The following MRPL38 variants were observed in gnomAD, a reference collection of about 807,000 sequenced individuals.
The protein encoded by MRPL38 is mitochondrial ribosomal protein L38.
In MRPL38, 51 loss-of-function variants were observed where a neutral mutation model predicts 52.1. The observed-to-expected ratio is 0.98, with a 90% CI of 0.78 to 1.24. The LOEUF (loss-of-function observed/expected upper bound fraction) is 1.24, where lower values mean the gene tolerates loss of function less well. Among genes scored for constraint, MRPL38 ranks in the 50% most tolerant of loss-of-function variants. The pLI, the probability that MRPL38 is intolerant of heterozygous loss-of-function variation, is 0.00. For missense variants in MRPL38, 527 were observed against 518.6 expected (o/e 1.02, Z -0.16); for synonymous variants, 245 against 212.7 (o/e 1.15, Z -1.32).
At position 75,901,134 on chromosome 17, in the gene MRPL38, G is replaced by GC; in HGVS notation, c.664+66dup. On this transcript the variant is annotated intron_variant, in intron 5 of 8. Transcript: ENST00000309352. This position sits in a 1 kb window ranked among gnomAD's most constrained non-coding sequence, Gnocchi z 5.7. ...AGATCTCCACCTGGCCCCTCCCCCAGCCCCCCAGGGCCCTGGCTCATAGGA... is the reference window on the plus strand; with the variant it reads ...AGATCTCCACCTGGCCCCTCCCCCAGCCCCCCCAGGGCCCTGGCTCATAGGA... The GC allele has an allele frequency of 6.2e-7, 1 of 1,601,064 alleles. No homozygotes were observed. Among genetic ancestry groups the GC allele is most frequent in the Non-Finnish European group, 8.5e-7 (1 of 1,174,438 alleles).
chr17:75,901,714 C>T lies in MRPL38; in HGVS notation c.589G>A (p.Glu197Lys), dbSNP rs1034815011. 10 of 1,613,662 alleles carry T rather than the reference C, an allele frequency of 6.2e-6. No individual in the cohort carries two copies. The highest frequency in any genetic ancestry group is 2.7e-5 in the African/African-American group (2 of 75,008). The change falls in exon 4 of 9, where the codon GAG becomes AAG. Residue 197 changes from glutamate to lysine, a missense_variant and splice_region_variant. By Grantham distance (56) the Glu-to-Lys change is moderately conservative. Coordinates refer to ENST00000309352, the MANE Select transcript of MRPL38 (RefSeq NM_032478.4). The surrounding 1 kb of genome is among the most constrained non-coding windows in gnomAD (Gnocchi z 5.7). ...VYCGNEVTPT[E>K]AAQAPEVTYE... is the part of the protein sequence containing the mutation. ...GAGGGGCACAAGTGAGTGGTTACCT[C>T]GGTTGGAGTCACCTCATTGCCACAG...
Position 75,901,173 on chromosome 17 carries a change from G to A in MRPL38, c.664+28C>T. 8 of 1,612,292 alleles carry A rather than the reference G, an allele frequency of 5.0e-6. No individual in the cohort carries two copies. Among genetic ancestry groups the A allele is most frequent in the Non-Finnish European group, 6.8e-6 (8 of 1,179,280 alleles). Reference sequence around the variant, plus strand: ...TGGCTCATAGGAGGTGAGCGGGGCAGGAGGCCTGGTGAGCCCCAGACACCC... The same window carrying A: ...TGGCTCATAGGAGGTGAGCGGGGCAAGAGGCCTGGTGAGCCCCAGACACCC... On this transcript the variant is annotated intron_variant, in intron 5 of 8. Coordinates refer to ENST00000309352, the MANE Select transcript of MRPL38 (RefSeq NM_032478.4). The surrounding 1 kb of genome is among the most constrained non-coding windows in gnomAD (Gnocchi z 5.7).
Position 75,899,691 on chromosome 17 carries a change from C to A in MRPL38, c.711-17G>T, listed in dbSNP as rs372172749. 4.5e-6 allele frequency: 7 copies of A among 1,543,624 alleles called. No individual in the cohort carries two copies. In the African/African-American group the frequency reaches 6.8e-5, roughly 15 times the overall value. On this transcript the variant is annotated splice_polypyrimidine_tract_variant and intron_variant, in intron 6 of 8. Coordinates refer to ENST00000309352, the MANE Select transcript of MRPL38 (RefSeq NM_032478.4). ...ATGTTGGTTCTGGGAGGAGGAAAGT[C>A]CCGGTTAATTACCACTCCAGGGAGG...
rs1328664789 is a variant in MRPL38 at position 75,904,385 on chromosome 17, T to C, written c.247+155A>G. ...GTGAAAAATCCTGGGGTGATTAAGCTGCCGATAGCGCACACAGGTCTGCAG... is the reference window on the plus strand; with the variant it reads ...GTGAAAAATCCTGGGGTGATTAAGCCGCCGATAGCGCACACAGGTCTGCAG... On this transcript the variant is annotated intron_variant, in intron 2 of 8. Transcript: ENST00000309352. 8.4e-6 allele frequency: 7 copies of C among 828,812 alleles called. No individual in the cohort carries two copies. In the East Asian group the frequency reaches 1.9e-4, roughly 22 times the overall value. 51.3% of individuals were successfully genotyped at this position (828,812 alleles called of 1,614,324 possible). A position where few individuals can be genotyped will look rare whatever the true frequency, so the allele number is the denominator to read the frequency against.
At chr17:75,900,956 C>CG in intron 6 of MRPL38, 26 bp downstream of exon 6, 1 of 1,609,446 alleles carries the variant, frequency 6.2e-7, no homozygotes, top group African/African-American at 1.3e-5. Flanking sequence ...GGCAGCACCC[C>CG]CTACCCCCAG....
chr17:75,900,820 C>T, intron 6 of MRPL38, 162 bp downstream of exon 6: 1 of 1,432,936 alleles, frequency 7.0e-7, no homozygotes, highest in Non-Finnish European at 9.1e-7. Context: ...TTCAAGTAGA[C>T]ACGTGGATCC....
At chr17:75,903,093 ACT>A (rs565319991) in intron 2 of MRPL38, among the ~76,000 whole-genome samples, 11 of 152,156 alleles carry the variant, frequency 7.2e-5, no homozygotes, top group Non-Finnish European at 1.3e-4. Context: ...AGAGTGAATG[ACT>A]GATGCTAGAA....
Position 75,904,842 on chromosome 17 carries a change from C to T in MRPL38, c.34G>A (p.Glu12Lys), listed in dbSNP as rs1445450558. Reference protein sequence around the residue: ...AAPWWRAALCECRRWRGFSTS... With the variant: ...AAPWWRAALCKCRRWRGFSTS... ...CTGAAGCCCCGCCATCTCCGACACT[C>T]GCACAGCGCGGCTCGCCACCAGGGC... Residue 12 changes from glutamate (E) to lysine (K), a missense_variant, in exon 1 of 9, where the codon GAG becomes AAG. Physicochemically the swap from Glu to Lys is moderately conservative, Grantham distance 56. Transcript: ENST00000309352. The T allele has an allele frequency of 5.9e-6, 9 of 1,527,788 alleles. No homozygotes were observed. Among genetic ancestry groups the T allele is most frequent in the Non-Finnish European group, 7.0e-6 (8 of 1,144,180 alleles). The allele number at this position is 1,527,788 out of a possible 1,614,324, so 94.6% of individuals were successfully genotyped here. A position where few individuals can be genotyped will look rare whatever the true frequency, so the allele number is the denominator to read the frequency against.
At chr17:75,903,658 T>TAAAGAAAAGA (rs60931911) in intron 2 of MRPL38, among the ~76,000 whole-genome samples, 2 of 151,572 alleles carry the variant, frequency 1.3e-5, no homozygotes, top group African/African-American at 4.8e-5. Flanking sequence ...CTATAAATGC[T>TAAAGAAAAGA]AAAGAAAAGA....
intron 1 of MRPL38, 43 bp from the exon 2 acceptor site, chr17:75,904,762 G>T: frequency 7.0e-7 from 1 of 1,427,972 alleles, no homozygotes; most frequent in Non-Finnish European, 9.1e-7. Context: ...CCCACAGCTC[G>T]GGCGACAGCC....
chr17:75,900,853 AGGCAGAGGT>A, intron 6 of MRPL38, 120 bp downstream of exon 6: 1 of 1,451,776 alleles, frequency 6.9e-7, no homozygotes, highest in Non-Finnish European at 9.1e-7. Flanking sequence ...CACCCTCAGG[AGGCAGAGGT>A]GGCAGGTGAA....
At chr17:75,902,250 T>G (rs1296872176) in intron 2 of MRPL38, 96 bp from the exon 3 acceptor site, 3 of 1,332,692 alleles carry the variant, frequency 2.3e-6, no homozygotes, top group Non-Finnish European at 3.1e-6. Context: ...GCTACAAGTG[T>G]ACACCATCTC....
At chr17:75,904,429 C>T in intron 2 of MRPL38, 111 bp downstream of exon 2, 1 of 1,201,184 alleles carries the variant, frequency 8.3e-7, no homozygotes, top group Non-Finnish European at 1.2e-6. Context: ...TCCCAGCGTC[C>T]CCAGCATCCA....
Position 75,901,933 on chromosome 17 carries a change from A to G in MRPL38, c.383-13T>C. 1.3e-6 allele frequency: 2 copies of G among 1,580,650 alleles called. No homozygotes were observed. Among genetic ancestry groups the G allele is most frequent in the Non-Finnish European group, 1.7e-6 (2 of 1,157,216 alleles). The stretch of plus-strand genomic sequence containing the variant: ...AGCGGGACACTGGCTAGACAGGAAT[A>G]AGGCCAGTTGGGATACGGGGGTGGG... On this transcript the variant is annotated splice_polypyrimidine_tract_variant and intron_variant, in intron 3 of 8. Transcript: ENST00000309352. This position sits in a 1 kb window ranked among gnomAD's most constrained non-coding sequence, Gnocchi z 5.7.
At chr17:75,900,782 A>G (rs377648223) in intron 6 of MRPL38, 200 bp downstream of exon 6, 1 of 1,404,676 alleles carries the variant, frequency 7.1e-7, no homozygotes. Context: ...ACCGAGGCCT[A>G]CTGCAAACTT....
In MRPL38 at chr17:75,901,755, TC is replaced by T; in HGVS notation, c.547del (p.Asp183ThrfsTer2). 1 of 1,613,754 alleles carries T rather than the reference TC, an allele frequency of 6.2e-7. No homozygotes were observed. Among genetic ancestry groups the T allele is most frequent in the Non-Finnish European group, 8.5e-7 (1 of 1,179,862 alleles). On this transcript the variant is annotated frameshift_variant, in exon 4 of 9. Transcript: ENST00000309352. LOFTEE classifies it high-confidence loss of function. This position sits in a 1 kb window ranked among gnomAD's most constrained non-coding sequence, Gnocchi z 5.7. The stretch of plus-strand genomic sequence containing the variant: ...ATTGCCACAGTACACAGGCATCAGG[TC>T]ATCCTCACCCACAGCGTAGGCCACG... ...LHVAYAVGED[D>X]LMPVYCGNEV... is the part of the protein sequence containing the mutation.
In MRPL38 at chr17:75,898,916, G is replaced by T. The variant is rs1188929292; in HGVS notation, c.1077C>A (p.His359Gln). Reference protein sequence around the residue: ...PYHPKQKRFPHRQPLRYLDRY... With the variant: ...PYHPKQKRFPQRQPLRYLDRY... ...GGTCCAGGTAGCGCAGGGGCTGCCG[G>T]TGGGGGAAGCGCTTCTGCTTGGGGT... The change falls in exon 9 of 9, where the codon CAC becomes CAA. Residue 359 changes from histidine to glutamine, a missense_variant. By Grantham distance (24) the His-to-Gln change is conservative. Transcript: ENST00000309352. The T allele has an allele frequency of 6.2e-7, 1 of 1,611,156 alleles. No homozygotes were observed.
At position 75,904,884 on chromosome 17, in the gene MRPL38, C is replaced by T. The variant is rs1244722357; in HGVS notation, c.-9G>A. 6.6e-7 allele frequency: 1 copy of T among 1,524,460 alleles called. No individual in the cohort carries two copies. The highest frequency in any genetic ancestry group is 2.5e-5 in the East Asian group (1 of 39,252). 94.4% of individuals were successfully genotyped at this position (1,524,460 alleles called of 1,614,324 possible). On this transcript the variant is annotated 5_prime_UTR_variant, in exon 1 of 9. Transcript: ENST00000309352. ...CACCAGGGCGCCGCCATCTTCCCTC[C>T]GGCCTGCGACACTGCGGCCGCCACT...
chr17:75,900,903 C>A, intron 6 of MRPL38, 79 bp downstream of exon 6: 1 of 1,535,198 alleles, frequency 6.5e-7, no homozygotes, highest in Non-Finnish European at 8.7e-7. Context: ...CCATGAAACT[C>A]AGGAGCAGCT....
Sources: gnomAD v4.1 joint callset for allele counts (sites outside exome capture counted in the v4.1 genomes callset) on GRCh38, gnomAD v4.1.1 for gene constraint, Gnocchi (gnomAD v3.1) non-coding constraint, MANE v1.5 for transcripts, NCBI Gene and HGNC (gene_info 2026-07-23, HGNC 2026-07-21) for gene names.